DNAJC24: variants seen among roughly 807,000 people sequenced by gnomAD.
DNAJC24 encodes the protein DnaJ heat shock protein family (Hsp40) member C24.
In DNAJC24, 17 loss-of-function variants were observed where a neutral mutation model predicts 18.0. That is an observed-to-expected ratio of 0.94 (90% confidence interval 0.65 to 1.42). DNAJC24 has a LOEUF of 1.42. DNAJC24 is among the 40% of genes most tolerant of loss of function. The probability of loss-of-function intolerance (pLI) is 0.00; values close to 1 mark genes in which losing one functional copy is unlikely to be tolerated. For missense variants in DNAJC24, 158 were observed against 175.6 expected (o/e 0.90, Z 0.57); for synonymous variants, 55 against 57.7 (o/e 0.95, Z 0.21).
At chr11:31,414,769 C>G in intron 2 of DNAJC24, 42 bp from the exon 3 acceptor site, 1 of 1,568,262 alleles carries the variant, frequency 6.4e-7, no homozygotes, top group Non-Finnish European at 8.6e-7. Flanking sequence ...CCCCACTCAG[C>G]TCTCTCTACT....
At chr11:31,415,082 GT>G (rs1952741378) in intron 3 of DNAJC24, 133 bp downstream of exon 3, 3 of 948,382 alleles carry the variant, frequency 3.2e-6, no homozygotes, top group Non-Finnish European at 4.6e-6. Flanking sequence ...CTCCATCACT[GT>G]TTTTAATTAT....
At chr11:31,398,161 A>G (rs1358704938) in intron 2 of DNAJC24, among the ~76,000 whole-genome samples, 1 of 152,074 alleles carries the variant, frequency 6.6e-6, no homozygotes, top group Admixed American at 6.5e-5. Context: ...AAAATAGTGT[A>G]TTAAGTTCAT....
At chr11:31,393,650 G>C (rs1952519553) in intron 2 of DNAJC24, among the ~76,000 whole-genome samples, 1 of 152,140 alleles carries the variant, frequency 6.6e-6, no homozygotes, top group African/African-American at 2.4e-5. Flanking sequence ...CGGAAGCAGA[G>C]ATACTGGGCT....
intron 4 of DNAJC24, chr11:31,426,883 G>A (rs1952867620): frequency 6.8e-6 from 1 of 146,284 alleles, no homozygotes; most frequent in South Asian, 2.1e-4. Flanking sequence ...CATTTCCCTT[G>A]ATGCAACATG....
chr11:31,376,099 A>AAGCCAATGCCTG (rs1952311982), intron 2 of DNAJC24, among the ~76,000 whole-genome samples: 1 of 83,626 alleles, frequency 1.2e-5, no homozygotes, highest in African/African-American at 3.0e-5. Context: ...ATGGTAGTGA[A>AAGCCAATGCCTG]TAAGTCTCAC....
rs182733880 is a variant in DNAJC24, at chr11:31,408,295, A to G, written c.112-6516A>G. On this transcript the variant is annotated intron_variant, in intron 2 of 4. Coordinates refer to ENST00000465995, the MANE Select transcript of DNAJC24 (RefSeq NM_181706.5). ...ACAGTTGCTTGGAGAGCTTGGTGAA[A>G]CAGAGATTCTGGAGTCCTCCCTCTG... 18 of 427,932 alleles carry G rather than the reference A, an allele frequency of 4.2e-5. No homozygotes were observed. In the East Asian group the frequency reaches 1.2e-3, roughly 29 times the overall value. 26.5% of individuals were successfully genotyped at this position (427,932 alleles called of 1,614,324 possible).
At chr11:31,425,200 C>T (rs1952849912) in intron 3 of DNAJC24, among the ~76,000 whole-genome samples, 1 of 152,024 alleles carries the variant, frequency 6.6e-6, no homozygotes, top group East Asian at 1.9e-4. Flanking sequence ...GACCAGGAAA[C>T]AGCAATGGAA....
chr11:31,432,321 C>G lies in DNAJC24; in HGVS notation c.*1920C>G. ...TGACTTTTTTGGGTTACATTTTTAT[C>G]CATATATTTTGAACTAACAGAACTT... On this transcript the variant is annotated 3_prime_UTR_variant, in exon 5 of 5. Coordinates refer to ENST00000465995, the MANE Select transcript of DNAJC24 (RefSeq NM_181706.5). 4.0e-6 allele frequency: 2 copies of G among 504,454 alleles called. No homozygotes were observed. Among genetic ancestry groups the G allele is most frequent in the Non-Finnish European group, 7.1e-6 (2 of 280,642 alleles). 31.2% of individuals were successfully genotyped at this position (504,454 alleles called of 1,614,324 possible). A position where few individuals can be genotyped will look rare whatever the true frequency, so the allele number is the denominator to read the frequency against.
rs1952302386 is a variant in DNAJC24, at chr11:31,375,277, G to C, written c.111+4418G>C. The stretch of plus-strand genomic sequence containing the variant: ...CCATATGCCTTTGCACTTGCACTCT[G>C]CCCATCCACTACCTCACCTGATTCT... On this transcript the variant is annotated intron_variant, in intron 2 of 4. Transcript: ENST00000465995. Among the ~76,000 whole-genome samples, 2 of 135,232 alleles carry C rather than the reference G, an allele frequency of 1.5e-5. 1 individual carries two copies. 88.7% of individuals were successfully genotyped at this position (135,232 alleles called of 152,430 possible).
At chr11:31,374,265 T>C (rs1952292034) in intron 2 of DNAJC24, 1 of 179,956 alleles carries the variant, frequency 5.6e-6, no homozygotes. Context: ...GGGGAAATTC[T>C]TCCAATTAAT....
At chr11:31,415,642 C>G (rs539044512) in intron 3 of DNAJC24, 1 of 152,212 alleles carries the variant, frequency 6.6e-6, no homozygotes, top group Non-Finnish European at 1.5e-5. Context: ...GTCCCTCAGC[C>G]TTGTGTTTGA....
intron 2 of DNAJC24, among the ~76,000 whole-genome samples, chr11:31,405,316 C>T (rs1456667145): frequency 2.0e-5 from 3 of 151,452 alleles, no homozygotes; most frequent in African/African-American, 7.3e-5. Flanking sequence ...GTGATCTGCC[C>T]GCCTTGGCCT....
intron 2 of DNAJC24, among the ~76,000 whole-genome samples, chr11:31,397,715 C>T (rs763296706): frequency 6.6e-6 from 1 of 152,162 alleles, no homozygotes; most frequent in Non-Finnish European, 1.5e-5. Context: ...ACGGTCTTAA[C>T]AGCATTTCCT....
intron 2 of DNAJC24, among the ~76,000 whole-genome samples, chr11:31,400,904 T>C (rs1591910993): frequency 6.6e-6 from 1 of 152,266 alleles, no homozygotes; most frequent in Middle Eastern, 3.4e-3. Flanking sequence ...AAAGAGCTTC[T>C]GTACAGCAAA....
chr11:31,388,162 A>C (rs1952449299), intron 2 of DNAJC24, among the ~76,000 whole-genome samples: 1 of 152,188 alleles, frequency 6.6e-6, no homozygotes, highest in African/African-American at 2.4e-5. Context: ...TTAAACTTAA[A>C]GTGGAGGTAG....
chr11:31,402,768 C>A (rs1213981673), intron 2 of DNAJC24, among the ~76,000 whole-genome samples: 1 of 152,142 alleles, frequency 6.6e-6, no homozygotes, highest in Non-Finnish European at 1.5e-5. Context: ...CCTTAGCTTC[C>A]CAAAGTGCTG....
At chr11:31,370,463 CT>C (rs923600118) in intron 1 of DNAJC24, among the ~76,000 whole-genome samples, 29 of 151,684 alleles carry the variant, frequency 1.9e-4, no homozygotes, top group Non-Finnish European at 2.8e-4. Flanking sequence ...TTATAAAATT[CT>C]TTTTTTTAAT....
chr11:31,398,774 C>T (rs1224176177), intron 2 of DNAJC24, among the ~76,000 whole-genome samples: 1 of 152,130 alleles, frequency 6.6e-6, no homozygotes, highest in Non-Finnish European at 1.5e-5. Context: ...TACCTGATGG[C>T]CTTGGTGGCC....
intron 2 of DNAJC24, among the ~76,000 whole-genome samples, chr11:31,399,716 T>C (rs1359251003): frequency 2.7e-5 from 4 of 148,994 alleles, no homozygotes; most frequent in African/African-American, 9.9e-5. Context: ...CCAGCCTCTT[T>C]TTTTTTTTTT....
Sources: gnomAD v4.1 joint callset for allele counts (sites outside exome capture counted in the v4.1 genomes callset) on GRCh38, gnomAD v4.1.1 for gene constraint, MANE v1.5 for transcripts, NCBI Gene and HGNC (gene_info 2026-07-23, HGNC 2026-07-21) for gene names.